Variants in RPS6KA1 observed in about 807,000 individuals in gnomAD.
RPS6KA1 encodes the protein ribosomal protein S6 kinase alpha-1.
In RPS6KA1, 48 loss-of-function variants were observed where a neutral mutation model predicts 91.3. The ratio of observed to expected loss-of-function variants is 0.53; its 90% CI spans 0.42 to 0.67. The LOEUF is 0.67. RPS6KA1 is among the 30% of genes least tolerant of loss of function. The pLI is 0.00. For synonymous variants in RPS6KA1, 359 were observed against 384.7 expected, an observed-to-expected ratio of 0.93 and a Z score of 0.78; for missense variants, 719 against 960.5, an observed-to-expected ratio of 0.75 and a Z score of 3.32.
intron 2 of RPS6KA1, among the ~76,000 whole-genome samples, chr1:26,544,807 C>T (rs1199409705): frequency 6.6e-6 from 1 of 152,192 alleles, no homozygotes; most frequent in African/African-American, 2.4e-5. Flanking sequence ...TCTGTCATTG[C>T]CTGTTGGGTT....
intron 17 of RPS6KA1, among the ~76,000 whole-genome samples, chr1:26,564,550 G>A (rs1341495464): frequency 2.6e-5 from 4 of 152,170 alleles, no homozygotes; most frequent in Non-Finnish European, 5.9e-5. Context: ...GAGCCACCGC[G>A]CCCGGCCACG....
chr1:26,558,689 C>G lies in RPS6KA1; in HGVS notation c.1085-118C>G, dbSNP rs541054398. 3 of 1,241,292 alleles carry G rather than the reference C, an allele frequency of 2.4e-6. No homozygotes were observed. In the South Asian group the frequency reaches 4.3e-5, roughly 18 times the overall value. The allele number at this position is 1,241,292 out of a possible 1,614,324, so 76.9% of individuals were successfully genotyped here. ...GTGATGGACAGGCCCTCTGCAGGCT[C>G]CCGCCACGGCCAGCCCCTGAGGCAG... On this transcript the variant is annotated intron_variant, in intron 13 of 21. Coordinates refer to ENST00000374168, the MANE Select transcript of RPS6KA1 (RefSeq NM_002953.4). The surrounding 1 kb of genome is among the most constrained non-coding windows in gnomAD (Gnocchi z 4.0).
At chr1:26,548,395 C>G (rs746511511) in intron 4 of RPS6KA1, among the ~76,000 whole-genome samples, 1 of 152,002 alleles carries the variant, frequency 6.6e-6, no homozygotes, top group African/African-American at 2.4e-5. Flanking sequence ...ACCTAAGGAG[C>G]GGGAAGCCTT....
chr1:26,574,133 C>G lies in RPS6KA1; in HGVS notation c.2140C>G (p.Leu714Val), dbSNP rs768781742. 1.2e-6 allele frequency: 2 copies of G among 1,614,174 alleles called. No homozygotes were observed. Among genetic ancestry groups the G allele is most frequent in the Non-Finnish European group, 1.7e-6 (2 of 1,180,028 alleles). ...CAACAGCTCCAAGCCCACCCCCCAGCTGAAGCCCATCGAGTCATCCATCCT... is the reference window on the plus strand; with the variant it reads ...CAACAGCTCCAAGCCCACCCCCCAGGTGAAGCCCATCGAGTCATCCATCCT... ...ALNSSKPTPQ[L>V]KPIESSILAQ... The change falls in exon 22 of 22, where the codon CTG (leucine) becomes GTG (valine). Residue 714 changes from leucine to valine, a missense_variant. Physicochemically the swap from Leu to Val is conservative, Grantham distance 32. Transcript: ENST00000374168. This position sits in a 1 kb window ranked among gnomAD's most constrained non-coding sequence, Gnocchi z 4.3.
chr1:26,531,360 G>T (rs1276753770), intron 1 of RPS6KA1: 1 of 152,338 alleles, frequency 6.6e-6, no homozygotes, highest in Non-Finnish European at 1.5e-5. Context: ...GGACCGGGGC[G>T]CAAGGTCCTG....
chr1:26,564,459 C>T (rs2076181295), intron 17 of RPS6KA1, among the ~76,000 whole-genome samples: 1 of 152,102 alleles, frequency 6.6e-6, no homozygotes, highest in African/African-American at 2.4e-5. Context: ...GGGGTTTCAC[C>T]GTGTTAGCCA....
Position 26,574,386 on chromosome 1 carries a change from T to A in RPS6KA1, c.*185T>A. On this transcript the variant is annotated 3_prime_UTR_variant, in exon 22 of 22. Transcript: ENST00000374168. This position sits in a 1 kb window ranked among gnomAD's most constrained non-coding sequence, Gnocchi z 4.3. The stretch of plus-strand genomic sequence containing the variant: ...CCTTCTCCTTCCCCAGGATGGACTC[T>A]TCTCGGCTCAGGCTCTGCTGGTGGA... 1 of 808,046 alleles carries A rather than the reference T, an allele frequency of 1.2e-6. No homozygotes were observed. The highest frequency in any genetic ancestry group is 2.2e-6 in the Non-Finnish European group (1 of 447,038). 50.1% of individuals were successfully genotyped at this position (808,046 alleles called of 1,614,324 possible).
At chr1:26,548,159 G>A (rs1367343669) in intron 4 of RPS6KA1, among the ~76,000 whole-genome samples, 1 of 152,140 alleles carries the variant, frequency 6.6e-6, no homozygotes, top group Non-Finnish European at 1.5e-5. Context: ...TGGTGGGTGT[G>A]GAAGTCATCC....
chr1:26,530,513 C>G (rs1463547785), intron 1 of RPS6KA1, among the ~76,000 whole-genome samples: 1 of 152,230 alleles, frequency 6.6e-6, no homozygotes, highest in Admixed American at 6.5e-5. Context: ...TCCTGGTTTT[C>G]TTTGCCCTGA....
chr1:26,568,322 A>G (rs1258940360), intron 17 of RPS6KA1, among the ~76,000 whole-genome samples: 1 of 152,094 alleles, frequency 6.6e-6, no homozygotes, highest in African/African-American at 2.4e-5. Flanking sequence ...TATCAGAATC[A>G]CCTGTGGGGC....
rs142801646 is a variant in RPS6KA1 at position 26,572,158 on chromosome 1, G to A, written c.1830-18G>A. ...GGAGGCCAGAGTCTGTACCCAGACC[G>A]TGCGGGCTTTTCTGCAGATATACTC... On this transcript the variant is annotated intron_variant, in intron 19 of 21. Coordinates refer to ENST00000374168, the MANE Select transcript of RPS6KA1 (RefSeq NM_002953.4). 76 of 1,598,006 alleles carry A rather than the reference G, an allele frequency of 4.8e-5. No individual in the cohort carries two copies. In the Middle Eastern group the frequency reaches 8.3e-4, roughly 17 times the overall value.
chr1:26,563,152 C>T (rs1034306330), intron 17 of RPS6KA1, among the ~76,000 whole-genome samples: 4 of 150,796 alleles, frequency 2.7e-5, no homozygotes, highest in African/African-American at 4.9e-5. Context: ...ATTGTCCTTT[C>T]AAAAATGTCT....
In RPS6KA1 at chr1:26,571,695, G is replaced by A. The variant is rs2076250564; in HGVS notation, c.1752+85G>A. 2.0e-6 allele frequency: 3 copies of A among 1,532,460 alleles called. No individual in the cohort carries two copies. Among genetic ancestry groups the A allele is most frequent in the South Asian group, 2.4e-5 (2 of 83,084 alleles). 94.9% of individuals were successfully genotyped at this position (1,532,460 alleles called of 1,614,324 possible). On this transcript the variant is annotated intron_variant, in intron 18 of 21. Transcript: ENST00000374168. This position sits in a 1 kb window ranked among gnomAD's most constrained non-coding sequence, Gnocchi z 5.1. The stretch of plus-strand genomic sequence containing the variant: ...CTCCCAGAGGCCCCACATTAGCCGG[G>A]ACTCCAGTCTCTGTGACCTTGGCCC...
At position 26,561,580 on chromosome 1, in the gene RPS6KA1, C is replaced by T. The variant is rs761917461; in HGVS notation, c.1507C>T (p.Arg503Trp). Residue 503 changes from arginine to tryptophan, a missense_variant, in exon 17 of 22, where the codon CGG becomes TGG. Arg to Trp is a moderately radical substitution (Grantham distance 101). Transcript: ENST00000374168. The surrounding 1 kb of genome is among the most constrained non-coding windows in gnomAD (Gnocchi z 5.7). Reference sequence around the variant, plus strand: ...TGGGGAGCTGCTGGACAAGATCCTGCGGCAGAAGTTCTTCTCAGAGCGGGA... The same window carrying T: ...TGGGGAGCTGCTGGACAAGATCCTGTGGCAGAAGTTCTTCTCAGAGCGGGA... ...RGGELLDKIL[R>W]QKFFSEREAS... 5.0e-6 allele frequency: 8 copies of T among 1,614,100 alleles called. No homozygotes were observed. Among genetic ancestry groups the T allele is most frequent in the East Asian group, 2.2e-5 (1 of 44,884 alleles).
chr1:26,573,860 C>T (rs1180724125), intron 21 of RPS6KA1, among the ~76,000 whole-genome samples: 1 of 152,002 alleles, frequency 6.6e-6, no homozygotes, highest in Non-Finnish European at 1.5e-5. Flanking sequence ...ATCGCTTGAA[C>T]CCTGGGGGCA....
intron 17 of RPS6KA1, among the ~76,000 whole-genome samples, chr1:26,566,337 G>A (rs2124664992): frequency 6.9e-6 from 1 of 144,100 alleles, no homozygotes; most frequent in African/African-American, 2.6e-5. Flanking sequence ...AGGCTGGAGT[G>A]CAGTGGTGCG....
rs984335689 is a variant in RPS6KA1 at position 26,555,941 on chromosome 1, G to A, written c.916+316G>A. ...TGAGCTCAGGAGTCAGAAGGCATAG[G>A]TCCCAATCCCGGCTCTGTGTCAGGT... On this transcript the variant is annotated intron_variant, in intron 11 of 21. Transcript: ENST00000374168. This position sits in a 1 kb window ranked among gnomAD's most constrained non-coding sequence, Gnocchi z 4.3. 1 of 453,166 alleles carries A rather than the reference G, an allele frequency of 2.2e-6. No individual in the cohort carries two copies. Among genetic ancestry groups the A allele is most frequent in the African/African-American group, 2.0e-5 (1 of 50,998 alleles). 28.1% of individuals were successfully genotyped at this position (453,166 alleles called of 1,614,324 possible). A position where few individuals can be genotyped will look rare whatever the true frequency, so the allele number is the denominator to read the frequency against.
chr1:26,537,799 C>T (rs2075917397), intron 2 of RPS6KA1, among the ~76,000 whole-genome samples: 1 of 152,220 alleles, frequency 6.6e-6, no homozygotes, highest in African/African-American at 2.4e-5. Context: ...TAACCAGAAG[C>T]TCTTCTCCCT....
intron 19 of RPS6KA1, 112 bp downstream of exon 19, chr1:26,572,037 A>G (rs1174123539): frequency 2.8e-5 from 37 of 1,333,238 alleles, no homozygotes; most frequent in Non-Finnish European, 1.8e-5. Flanking sequence ...GATGGTCTGG[A>G]AATAGGGACA....
Sources: allele counts gnomAD v4.1 joint callset (sites outside exome capture counted in the v4.1 genomes callset), GRCh38; gene constraint gnomAD v4.1.1; non-coding constraint Gnocchi (gnomAD v3.1); transcripts MANE v1.5; gene names NCBI Gene and HGNC (gene_info 2026-07-23, HGNC 2026-07-21).